DAB1: variants seen among roughly 807,000 people sequenced by gnomAD.
DAB1 encodes the protein disabled homolog 1.
A neutral mutation model predicts 64.6 loss-of-function variants in DAB1; 15 were observed. The observed-to-expected ratio is 0.23, with a 90% CI of 0.16 to 0.36. DAB1 has a LOEUF of 0.36. DAB1 is among the 10% of genes least tolerant of loss of function. The probability of loss-of-function intolerance (pLI) is 1.00; values close to 1 mark genes in which losing one functional copy is unlikely to be tolerated. For synonymous variants in DAB1, 235 were observed against 251.9 expected, an observed-to-expected ratio of 0.93 and a Z score of 0.64; for missense variants, 596 against 706.7, an observed-to-expected ratio of 0.84 and a Z score of 1.78.
chr1:58,379,348 C>T (rs539119305), intron 3 of DAB1, among the ~76,000 whole-genome samples: 26 of 152,304 alleles, frequency 1.7e-4, no homozygotes, highest in African/African-American at 6.3e-4. Context: ...ATACCACATA[C>T]TACTACTAAT....
intron 1 of DAB1, among the ~76,000 whole-genome samples, chr1:57,410,823 C>T (rs143299917): frequency 1.1e-4 from 17 of 152,298 alleles, no homozygotes; most frequent in Admixed American, 2.0e-4. Context: ...TTATATGAGA[C>T]GTCCTTTTTC....
intron 1 of DAB1, among the ~76,000 whole-genome samples, chr1:57,347,281 C>T (rs1678189264): frequency 6.6e-6 from 1 of 152,218 alleles, no homozygotes; most frequent in Non-Finnish European, 1.5e-5. Flanking sequence ...AGCTTCCTCA[C>T]TTTATGCAGT....
chr1:57,726,473 T>G (rs1371933898), intron 6 of DAB1, among the ~76,000 whole-genome samples: 1 of 152,130 alleles, frequency 6.6e-6, no homozygotes, highest in African/African-American at 2.4e-5. Flanking sequence ...TGATGGAAAT[T>G]GAGAATGAGG....
At chr1:57,288,096 CTT>C (rs1255642848) in intron 2 of DAB1, among the ~76,000 whole-genome samples, 2 of 152,148 alleles carry the variant, frequency 1.3e-5, no homozygotes, top group Non-Finnish European at 2.9e-5. Context: ...ACGCCCAGCC[CTT>C]CTCTCTCATT....
intron 7 of DAB1, among the ~76,000 whole-genome samples, chr1:57,438,661 C>T (rs1435640591): frequency 6.6e-6 from 1 of 152,100 alleles, no homozygotes; most frequent in Non-Finnish European, 1.5e-5. Flanking sequence ...TCTGTCTGTC[C>T]TGTCTATCCA....
chr1:57,612,213 G>GTGTGTGTGTGTGTT (rs1558540726), intron 7 of DAB1, among the ~76,000 whole-genome samples: 1 of 150,984 alleles, frequency 6.6e-6, no homozygotes, highest in Non-Finnish European at 1.5e-5. Flanking sequence ...GTGTGTGTGT[G>GTGTGTGTGTGTGTT]TGTGTGCATG....
At chr1:58,061,055 C>T (rs1164382179) in intron 5 of DAB1, among the ~76,000 whole-genome samples, 1 of 152,162 alleles carries the variant, frequency 6.6e-6, no homozygotes, top group Admixed American at 6.5e-5. Flanking sequence ...AAGGACCAGT[C>T]GTGGCCAGGA....
intron 5 of DAB1, among the ~76,000 whole-genome samples, chr1:57,961,686 C>T (rs1473039663): frequency 1.3e-5 from 2 of 151,984 alleles, no homozygotes; most frequent in East Asian, 1.9e-4. Context: ...AAGCTTAGTT[C>T]GGCTGGGTGT....
intron 7 of DAB1, among the ~76,000 whole-genome samples, chr1:57,449,965 C>T (rs1010614887): frequency 6.6e-6 from 1 of 152,196 alleles, no homozygotes; most frequent in Non-Finnish European, 1.5e-5. Context: ...AACAAGACAG[C>T]TATGAGCCCA....
At chr1:57,092,212 A>T (rs1653749559) in intron 4 of DAB1, among the ~76,000 whole-genome samples, 1 of 152,192 alleles carries the variant, frequency 6.6e-6, no homozygotes. Context: ...TTTATTGACT[A>T]CTTCCTGCGT....
chr1:57,511,232 T>G (rs982620941), intron 7 of DAB1, among the ~76,000 whole-genome samples: 21 of 152,272 alleles, frequency 1.4e-4, no homozygotes, highest in African/African-American at 4.6e-4. Context: ...TCCTGTTGCT[T>G]CCCATATTTC....
chr1:58,373,453 G>A (rs1437075660), intron 3 of DAB1, among the ~76,000 whole-genome samples: 1 of 150,834 alleles, frequency 6.6e-6, no homozygotes, highest in Non-Finnish European at 1.5e-5. Flanking sequence ...ATAGTTTACT[G>A]AGAATGATGG....
intron 4 of DAB1, among the ~76,000 whole-genome samples, chr1:58,266,691 A>T (rs1014487165): frequency 3.3e-5 from 5 of 152,268 alleles, no homozygotes; most frequent in African/African-American, 1.2e-4. Flanking sequence ...CCATGGATAC[A>T]AAAGGGAACC....
intron 5 of DAB1, among the ~76,000 whole-genome samples, chr1:57,986,966 C>T (rs1232697912): frequency 2.0e-5 from 3 of 152,192 alleles, no homozygotes; most frequent in Non-Finnish European, 2.9e-5. Flanking sequence ...AGGTCAGAGA[C>T]TTTAAATGAA....
chr1:57,351,729 G>C (rs1479290545), intron 1 of DAB1, among the ~76,000 whole-genome samples: 1 of 152,046 alleles, frequency 6.6e-6, no homozygotes, highest in East Asian at 1.9e-4. Flanking sequence ...TGGACCCCTG[G>C]TGTGAGTGAA....
At chr1:57,432,186 A>G (rs897732860) in intron 7 of DAB1, among the ~76,000 whole-genome samples, 3 of 152,134 alleles carry the variant, frequency 2.0e-5, no homozygotes, top group African/African-American at 7.2e-5. Context: ...TCAGCATAGC[A>G]TATGATATAG....
chr1:58,343,161 G>A (rs529451465), intron 4 of DAB1, among the ~76,000 whole-genome samples: 2 of 152,124 alleles, frequency 1.3e-5, no homozygotes, highest in East Asian at 3.9e-4. Context: ...ACAGTCCATG[G>A]TTCTGACTCA....
chr1:57,263,514 T>C (rs1670358128), intron 2 of DAB1, among the ~76,000 whole-genome samples: 1 of 152,202 alleles, frequency 6.6e-6, no homozygotes. Context: ...TAAGCACTTA[T>C]TAACAGTAGC....
intron 3 of DAB1, among the ~76,000 whole-genome samples, chr1:58,345,966 C>T (rs1417258575): frequency 6.6e-6 from 1 of 152,152 alleles, no homozygotes; most frequent in African/African-American, 2.4e-5. Context: ...GAGAGATTGC[C>T]TGCCTCAGCT....
Sources: gnomAD v4.1 joint callset for allele counts (sites outside exome capture counted in the v4.1 genomes callset) on GRCh38, gnomAD v4.1.1 for gene constraint, MANE v1.5 for transcripts, NCBI Gene and HGNC (gene_info 2026-07-23, HGNC 2026-07-21) for gene names.